The following C2 variants were observed in gnomAD, a reference collection of about 807,000 sequenced individuals.
The protein encoded by C2 is complement C2, also known as C3/C5 convertase.
In C2, 64 loss-of-function variants were observed where a neutral mutation model predicts 85.2. The ratio of observed to expected loss-of-function variants is 0.75; its 90% CI spans 0.61 to 0.92. The LOEUF is 0.92. Among genes scored for constraint, C2 ranks in the 40% least tolerant of loss-of-function variants. C2 has a pLI of 0.00. For synonymous variants in C2, 311 were observed against 370.8 expected, an observed-to-expected ratio of 0.84 and a Z score of 1.85; for missense variants, 820 against 971.6, an observed-to-expected ratio of 0.84 and a Z score of 2.07.
chr6:31,932,739 C>T (rs886175643), intron 3 of C2, among the ~76,000 whole-genome samples: 1 of 152,208 alleles, frequency 6.6e-6, no homozygotes, highest in Non-Finnish European at 1.5e-5. Flanking sequence ...GCTGCAATCT[C>T]GGCACTTTGG....
At chr6:31,927,453 C>T (rs1769341485), upstream of C2, 2 of 1,386,104 alleles carry the variant, frequency 1.4e-6, no homozygotes, top group South Asian at 3.1e-5. This position sits in a 1 kb window ranked among gnomAD's most constrained non-coding sequence, Gnocchi z 4.7. Flanking sequence ...GTGTATGGTG[C>T]ACATGTGCAC....
chr6:31,901,325 C>T, intron 1 of C2: 1 of 1,593,516 alleles, frequency 6.3e-7, no homozygotes, highest in Non-Finnish European at 8.6e-7. Flanking sequence ...GGTGGGCAAC[C>T]CTGGTTGGGA....
upstream of C2, among the ~76,000 whole-genome samples, chr6:31,898,624 C>A (rs1043021048): frequency 4.0e-5 from 6 of 150,738 alleles, no homozygotes; most frequent in African/African-American, 1.5e-4. Flanking sequence ...GTTTTCCCTG[C>A]ACCTTAATCC....
intron 9 of C2, among the ~76,000 whole-genome samples, chr6:31,939,538 G>A: frequency 7.3e-6 from 1 of 137,234 alleles, no homozygotes; most frequent in African/African-American, 2.7e-5. Context: ...TTTTAAGACA[G>A]TGTCTCACTG....
intron 9 of C2, among the ~76,000 whole-genome samples, chr6:31,939,819 C>T (rs1770741825): frequency 6.6e-6 from 1 of 152,050 alleles, no homozygotes; most frequent in African/African-American, 2.4e-5. Context: ...CCGTGTTGCC[C>T]AGGCTGGAGT....
At chr6:31,899,366 C>G (rs2151684966), upstream of C2, among the ~76,000 whole-genome samples, 1 of 151,696 alleles carries the variant, frequency 6.6e-6, no homozygotes, top group South Asian at 2.1e-4. Context: ...TGTTCTCCCT[C>G]AAATTTCAGC....
chr6:31,915,066 G>T (rs893843163), upstream of C2, among the ~76,000 whole-genome samples: 7 of 152,130 alleles, frequency 4.6e-5, no homozygotes, highest in Non-Finnish European at 8.8e-5. Context: ...TTCTGTGCTT[G>T]CTTTTAGCCC....
At chr6:31,905,687 C>G (rs1767669057) in intron 1 of C2, among the ~76,000 whole-genome samples, 1 of 152,022 alleles carries the variant, frequency 6.6e-6, no homozygotes, top group Non-Finnish European at 1.5e-5. Flanking sequence ...AACTAGGAGA[C>G]AAAAGGTCCA....
At position 31,904,687 on chromosome 6, in the gene C2, A is replaced by G. The variant is rs140237193; in HGVS notation, c.73+3548A>G. Among the ~76,000 whole-genome samples, 13 of 152,232 alleles carry G rather than the reference A, an allele frequency of 8.5e-5. No homozygotes were observed. Among genetic ancestry groups the G allele is most frequent in the Middle Eastern group, 3.4e-3 (1 of 294 alleles). On this transcript the variant is annotated intron_variant, in intron 1 of 3. Transcript: ENST00000452202. This position sits in a 1 kb window ranked among gnomAD's most constrained non-coding sequence, Gnocchi z 4.4. ...GCATTGCCAAACTTCTCAGAAGAAT[A>G]GTTCACATTCCAGTGAGAGCAGAAA...
intron 7 of C2, 91 bp downstream of exon 7, chr6:31,936,152 G>T: frequency 7.0e-7 from 1 of 1,428,040 alleles, no homozygotes; most frequent in Non-Finnish European, 9.7e-7. Flanking sequence ...TAAAAAGAGA[G>T]TGAGGCCTCT....
chr6:31,938,958 T>C (rs891361564), intron 8 of C2, among the ~76,000 whole-genome samples: 1 of 151,966 alleles, frequency 6.6e-6, no homozygotes, highest in Admixed American at 6.6e-5. Context: ...CGGCCACACC[T>C]GGCTAATTTT....
rs141450429 is a variant in C2, at chr6:31,933,914, A to G, written c.664A>G (p.Thr222Ala). 5.0e-5 allele frequency: 81 copies of G among 1,614,190 alleles called. No homozygotes were observed. The African/African-American group carries it at 9.1e-4, about 18-fold the overall frequency. The change falls in exon 5 of 18, where the codon ACT (threonine) becomes GCT (alanine). Residue 222 changes from threonine to alanine, a missense_variant. Coordinates refer to ENST00000299367, the MANE Select transcript of C2 (RefSeq NM_000063.6). ...TGAGGACGTGGCCCCTGCCCTGGGC[A>G]CTTCCTTCTCCCACATGCTTGGGGC... is the stretch of plus-strand genomic sequence containing the variant. Reference protein sequence around the residue: ...FPEDVAPALGTSFSHMLGATN... With the variant: ...FPEDVAPALGASFSHMLGATN...
At chr6:31,900,226 C>T (rs1581990659), upstream of C2, 1 of 1,614,110 alleles carries the variant, frequency 6.2e-7, no homozygotes, top group South Asian at 1.1e-5. The surrounding 1 kb of genome is among the most constrained non-coding windows in gnomAD (Gnocchi z 9.7). Context: ...AGCGAGGGCA[C>T]ATGAAGATGA....
upstream of C2, among the ~76,000 whole-genome samples, chr6:31,899,120 A>G (rs1207104362): frequency 6.6e-6 from 1 of 152,040 alleles, no homozygotes; most frequent in Non-Finnish European, 1.5e-5. Flanking sequence ...CAAAAGCAGA[A>G]AAACTAAAAC....
Position 31,937,457 on chromosome 6 carries a change from A to G in C2, c.1127A>G (p.Asp376Gly), listed in dbSNP as rs149061002. 8.4e-5 allele frequency: 135 copies of G among 1,612,768 alleles called. No individual in the cohort carries two copies. Among genetic ancestry groups the G allele is most frequent in the Non-Finnish European group, 1.1e-4 (125 of 1,179,952 alleles). ...CGACATGCCATCATCCTTCTGACAG[A>G]TGGTGGGTATCATGGTCTCTGAGTG... The part of the protein sequence containing the change: ...EIRHAIILLT[D>G]GKSNMGGSPK... Residue 376 changes from aspartate (D) to glycine (G), a missense_variant and splice_region_variant, in exon 8 of 18, where the codon GAT (aspartate) becomes GGT (glycine). Asp to Gly is a moderately conservative substitution (Grantham distance 94, BLOSUM62 -1). Transcript: ENST00000299367.
At chr6:31,911,640 T>TC (rs1355027817) in intron 1 of C2, among the ~76,000 whole-genome samples, 1 of 151,756 alleles carries the variant, frequency 6.6e-6, no homozygotes, top group African/African-American at 2.4e-5. Flanking sequence ...TTTTTTTTTT[T>TC]TCTCTCTCTT....
chr6:31,941,877 G>A (rs1770913577), intron 9 of C2, among the ~76,000 whole-genome samples: 1 of 142,880 alleles, frequency 7.0e-6, no homozygotes, highest in Non-Finnish European at 1.5e-5. Flanking sequence ...GGAGTGCAGT[G>A]GTGCAATCTC....
rs947937300 is a variant in C2, at chr6:31,939,255, C to T, written c.1154C>T (p.Pro385Leu). ...GGAAAGTCCAATATGGGTGGCTCTC[C>T]CAAGACAGCTGTTGACCATATCAGA... ...TDGKSNMGGSPKTAVDHIREI... is the reference protein window; with the variant it reads ...TDGKSNMGGSLKTAVDHIREI... Residue 385 changes from proline to leucine, a missense_variant, in exon 9 of 18, where the codon CCC becomes CTC. Coordinates refer to ENST00000299367, the MANE Select transcript of C2 (RefSeq NM_000063.6). 1 of 1,612,376 alleles carries T rather than the reference C, an allele frequency of 6.2e-7. No homozygotes were observed. The highest frequency in any genetic ancestry group is 1.1e-5 in the South Asian group (1 of 91,066).
At chr6:31,942,353 A>G (rs924894904) in intron 9 of C2, among the ~76,000 whole-genome samples, 1 of 149,880 alleles carries the variant, frequency 6.7e-6, no homozygotes, top group Non-Finnish European at 1.5e-5. Context: ...CCTTTTTCCA[A>G]ATAAAGTCAC....
Sources: allele counts gnomAD v4.1 joint callset (sites outside exome capture counted in the v4.1 genomes callset), GRCh38; gene constraint gnomAD v4.1.1; non-coding constraint Gnocchi (gnomAD v3.1); transcripts MANE v1.5; gene names NCBI Gene and HGNC (gene_info 2026-07-23, HGNC 2026-07-21).